The following SLCO1B1 variants were observed in gnomAD, a reference collection of about 807,000 sequenced individuals.
SLCO1B1 encodes the protein solute carrier organic anion transporter family member 1B1.
A neutral mutation model predicts 70.1 loss-of-function variants in SLCO1B1; 81 were observed. That is an observed-to-expected ratio of 1.16 (90% CI 0.97 to 1.39). The LOEUF (loss-of-function observed/expected upper bound fraction) is 1.39. Ranked by LOEUF, SLCO1B1 falls within the 40% of genes most tolerant of loss-of-function variation. The pLI, the probability that SLCO1B1 is intolerant of heterozygous loss-of-function variation, is 0.00. For synonymous variants in SLCO1B1, 283 were observed against 271.5 expected, an observed-to-expected ratio of 1.04 and a Z score of -0.42; for missense variants, 895 against 799.6, an observed-to-expected ratio of 1.12 and a Z score of -1.44.
chr12:21,214,949 C>T (rs1941340377), intron 11 of SLCO1B1, among the ~76,000 whole-genome samples: 1 of 152,134 alleles, frequency 6.6e-6, no homozygotes, highest in South Asian at 2.1e-4. Flanking sequence ...ACCCACTGAC[C>T]TGCGCCCACT....
At chr12:21,182,262 T>A (rs1055508000) in intron 7 of SLCO1B1, among the ~76,000 whole-genome samples, 1 of 151,968 alleles carries the variant, frequency 6.6e-6, no homozygotes, top group African/African-American at 2.4e-5. Flanking sequence ...ACATCTGGGA[T>A]CCTACCTACA....
At chr12:21,174,513 G>T in intron 3 of SLCO1B1, 64 bp from the exon 4 acceptor site, 1 of 1,527,154 alleles carries the variant, frequency 6.5e-7, no homozygotes, top group Admixed American at 1.7e-5. Flanking sequence ...TCCATTCTGG[G>T]GTTTTCAATT....
rs1437911256 is a variant in SLCO1B1 at position 21,197,079 on chromosome 12, AAAAG to A, written c.869_872del (p.Arg290LysfsTer21). The A allele has an allele frequency of 6.8e-6, 11 of 1,613,686 alleles. No individual in the cohort carries two copies. The highest frequency in any genetic ancestry group is 9.3e-6 in the Non-Finnish European group (11 of 1,179,778). On this transcript the variant is annotated frameshift_variant, in exon 8 of 15. Coordinates refer to ENST00000256958, the MANE Select transcript of SLCO1B1 (RefSeq NM_006446.5). LOFTEE classifies it high-confidence loss of function. ...TGCCCCAAACTCCAAATAAACCACA[AAAAG>A]AAAGAAAAGCTTCACTGTCTTTGCA...
intron 4 of SLCO1B1, among the ~76,000 whole-genome samples, 159 bp downstream of exon 4, chr12:21,174,868 T>A (rs1163227021): frequency 6.6e-6 from 1 of 152,198 alleles, no homozygotes; most frequent in East Asian, 1.9e-4. Flanking sequence ...GTCTACATAA[T>A]CATTTTATTT....
At chr12:21,163,685 G>C (rs571777703) in intron 2 of SLCO1B1, among the ~76,000 whole-genome samples, 1 of 152,234 alleles carries the variant, frequency 6.6e-6, no homozygotes, top group African/African-American at 2.4e-5. Context: ...GGCTAAAAGA[G>C]AAAGAGAATG....
intron 12 of SLCO1B1, among the ~76,000 whole-genome samples, chr12:21,217,569 T>C (rs1290924246): frequency 6.6e-6 from 1 of 152,150 alleles, no homozygotes; most frequent in Non-Finnish European, 1.5e-5. Flanking sequence ...ATTCTCTCAG[T>C]TGTAAAAGAA....
chr12:21,201,787 G>C (rs1457155715), intron 9 of SLCO1B1, among the ~76,000 whole-genome samples: 1 of 152,044 alleles, frequency 6.6e-6, no homozygotes, highest in African/African-American at 2.4e-5. Context: ...TGCTATTGAG[G>C]AAACCAAACT....
chr12:21,132,153 A>G (rs1940145741), intron 1 of SLCO1B1, among the ~76,000 whole-genome samples: 1 of 152,200 alleles, frequency 6.6e-6, no homozygotes, highest in African/African-American at 2.4e-5. Flanking sequence ...ATGTCCCTAC[A>G]AAGGACATAA....
chr12:21,131,390 T>C (rs181388053), intron 1 of SLCO1B1, among the ~76,000 whole-genome samples, 154 bp downstream of exon 1: 27 of 152,160 alleles, frequency 1.8e-4, no homozygotes, highest in African/African-American at 5.3e-4. Context: ...TAGTAAATAT[T>C]CCTTCTGGGA....
intron 10 of SLCO1B1, among the ~76,000 whole-genome samples, chr12:21,205,369 T>A (rs1456776202): frequency 2.0e-5 from 3 of 151,918 alleles, no homozygotes; most frequent in Admixed American, 2.0e-4. Flanking sequence ...TTTGTAGAGG[T>A]TCTGCTTTAA....
chr12:21,215,411 C>T (rs925759189), intron 11 of SLCO1B1, among the ~76,000 whole-genome samples: 2 of 152,142 alleles, frequency 1.3e-5, no homozygotes, highest in Non-Finnish European at 2.9e-5. Context: ...TTATTGAAAG[C>T]TTTTTCTGCA....
intron 3 of SLCO1B1, 69 bp from the exon 4 acceptor site, chr12:21,174,508 T>C: frequency 6.7e-7 from 1 of 1,489,052 alleles, no homozygotes; most frequent in African/African-American, 1.4e-5. Context: ...TTGCATCCAT[T>C]CTGGGGTTTT....
At chr12:21,229,683 T>A (rs1436747889) in intron 14 of SLCO1B1, among the ~76,000 whole-genome samples, 6 of 152,172 alleles carry the variant, frequency 3.9e-5, no homozygotes, top group Non-Finnish European at 7.4e-5. Flanking sequence ...TATATGAAGA[T>A]GTTTGATTCT....
In SLCO1B1 at chr12:21,187,735, T is replaced by A. The variant is rs112413050; in HGVS notation, c.727+8715T>A. Among the ~76,000 whole-genome samples, 350 of 152,236 alleles carry A rather than the reference T, an allele frequency of 2.3e-3. 1 individual carries two copies. The highest frequency in any genetic ancestry group is 8.1e-3 in the African/African-American group (335 of 41,544). On this transcript the variant is annotated intron_variant, in intron 7 of 14. Coordinates refer to ENST00000256958, the MANE Select transcript of SLCO1B1 (RefSeq NM_006446.5). ...TCTACCAGAGAAAATTTTGTTCAGA[T>A]GTTGTGCATAAATTCATAGGATTAA...
intron 2 of SLCO1B1, among the ~76,000 whole-genome samples, chr12:21,167,142 A>C (rs1026449388): frequency 6.6e-5 from 10 of 152,204 alleles, no homozygotes; most frequent in Non-Finnish European, 1.2e-4. Context: ...CCACCAAAAA[A>C]CAAACAAAAA....
intron 11 of SLCO1B1, 137 bp from the exon 12 acceptor site, chr12:21,216,982 T>C: frequency 2.9e-6 from 2 of 693,686 alleles, no homozygotes; most frequent in Non-Finnish European, 5.0e-6. Context: ...CTTAAGCAAC[T>C]GTATTTTTAG....
chr12:21,222,209 TG>T, intron 12 of SLCO1B1, 90 bp from the exon 13 acceptor site: 1 of 502,524 alleles, frequency 2.0e-6, no homozygotes. Context: ...AATTCTATCA[TG>T]GAGAAAAACA....
intron 2 of SLCO1B1, among the ~76,000 whole-genome samples, chr12:21,150,542 C>T (rs1434730028): frequency 6.6e-6 from 1 of 152,130 alleles, no homozygotes; most frequent in Admixed American, 6.5e-5. Flanking sequence ...CTGGTGATAC[C>T]TAGGCAAACA....
chr12:21,132,174 T>G lies in SLCO1B1; in HGVS notation c.-62+938T>G, dbSNP rs1001437351. Among the ~76,000 whole-genome samples, 6 of 152,168 alleles carry G rather than the reference T, an allele frequency of 3.9e-5. No homozygotes were observed. In the East Asian group the frequency reaches 1.2e-3, roughly 29 times the overall value. ...CTACAAAGGACATAAACTCATCATT[T>G]TTATGGCTGCATAGTATTCCATGGT... is the stretch of plus-strand genomic sequence containing the variant. On this transcript the variant is annotated intron_variant, in intron 1 of 14. Coordinates refer to ENST00000256958, the MANE Select transcript of SLCO1B1 (RefSeq NM_006446.5).
Sources: allele counts gnomAD v4.1 joint callset (sites outside exome capture counted in the v4.1 genomes callset), GRCh38; gene constraint gnomAD v4.1.1; transcripts MANE v1.5; gene names NCBI Gene and HGNC (gene_info 2026-07-23, HGNC 2026-07-21).